SMYD3: variants seen among roughly 807,000 people sequenced by gnomAD.
SMYD3 encodes the protein histone-lysine N-methyltransferase SMYD3.
In SMYD3, 36 loss-of-function variants were observed where a neutral mutation model predicts 57.7. That is an observed-to-expected ratio of 0.62 (90% confidence interval 0.48 to 0.82). The LOEUF is 0.82. SMYD3 is among the 40% of genes least tolerant of loss of function. The probability of loss-of-function intolerance (pLI) is 0.00; values close to 1 mark genes in which losing one functional copy is unlikely to be tolerated. For missense variants in SMYD3, 515 were observed against 538.8 expected (o/e 0.96, Z 0.44); for synonymous variants, 211 against 195.0 (o/e 1.08, Z -0.68).
intron 1 of SMYD3, among the ~76,000 whole-genome samples, chr1:246,454,468 A>C (rs1029979949): frequency 6.6e-6 from 1 of 152,262 alleles, no homozygotes; most frequent in Admixed American, 6.5e-5. Flanking sequence ...CTGAGTTCCC[A>C]TATATATTAC....
intron 8 of SMYD3, among the ~76,000 whole-genome samples, chr1:245,912,357 G>A (rs78683915): frequency 0.075 from 11,434 of 152,048 alleles, 935 homozygotes; most frequent in African/African-American, 0.19. Flanking sequence ...AAAAGAAACT[G>A]AAGAGAACAC....
chr1:246,410,135 C>G (rs2066939843), intron 1 of SMYD3, among the ~76,000 whole-genome samples: 1 of 152,154 alleles, frequency 6.6e-6, no homozygotes. Context: ...ATTTGACTTC[C>G]TCTTTTCCTA....
intron 5 of SMYD3, among the ~76,000 whole-genome samples, chr1:246,009,976 A>G (rs1239676871): frequency 7.5e-6 from 1 of 133,502 alleles, no homozygotes; most frequent in Non-Finnish European, 1.6e-5. Flanking sequence ...TACCATGCCC[A>G]GCTAATAGGG....
chr1:246,425,871 T>A (rs992641353), intron 1 of SMYD3: 1 of 152,242 alleles, frequency 6.6e-6, no homozygotes, highest in Admixed American at 6.5e-5. Flanking sequence ...AGTTCTACTT[T>A]CGGGCCTTTC....
intron 5 of SMYD3, among the ~76,000 whole-genome samples, chr1:246,291,562 G>T (rs2064691738): frequency 6.6e-6 from 1 of 152,230 alleles, no homozygotes; most frequent in South Asian, 2.1e-4. Context: ...AGGAAAGGAA[G>T]TGATTTGCCG....
chr1:246,084,459 T>C (rs1327367882), intron 5 of SMYD3, among the ~76,000 whole-genome samples: 2 of 152,098 alleles, frequency 1.3e-5, no homozygotes, highest in Non-Finnish European at 2.9e-5. Context: ...CAAGTGATCC[T>C]CTTGTCTCAG....
At chr1:245,750,438 C>T (rs2045289895) in intron 11 of SMYD3, among the ~76,000 whole-genome samples, 1 of 152,210 alleles carries the variant, frequency 6.6e-6, no homozygotes, top group Admixed American at 6.5e-5. Flanking sequence ...CTAGACAAGG[C>T]ACCAGACATG....
rs2059454308 is a variant in SMYD3 at position 246,020,588 on chromosome 1, A to G, written c.532-90651T>C. On this transcript the variant is annotated intron_variant, in intron 5 of 11. Transcript: ENST00000490107. ...AAAATAATAATTATGATGAAATCATAACAATAATAACAGTAGCTAACACTT... is the reference window on the plus strand; with the variant it reads ...AAAATAATAATTATGATGAAATCATGACAATAATAACAGTAGCTAACACTT... Among the ~76,000 whole-genome samples, 3 of 152,226 alleles carry G rather than the reference A, an allele frequency of 2.0e-5. No homozygotes were observed. In the South Asian group the frequency reaches 6.2e-4, roughly 32 times the overall value.
At chr1:246,415,812 C>A (rs971509077) in intron 1 of SMYD3, among the ~76,000 whole-genome samples, 1 of 152,164 alleles carries the variant, frequency 6.6e-6, no homozygotes, top group East Asian at 1.9e-4. Flanking sequence ...ACATTGAGCA[C>A]CACTAGTCTA....
chr1:246,331,766 G>A (rs550452505), intron 3 of SMYD3, among the ~76,000 whole-genome samples: 12 of 152,224 alleles, frequency 7.9e-5, no homozygotes, highest in African/African-American at 2.9e-4. Flanking sequence ...CTAACAACAC[G>A]TGTTCACTTT....
chr1:246,433,871 T>G (rs1376447398), intron 1 of SMYD3, among the ~76,000 whole-genome samples: 2 of 152,084 alleles, frequency 1.3e-5, no homozygotes, highest in Non-Finnish European at 2.9e-5. Flanking sequence ...AACTTCAAAG[T>G]ATACTATAAG....
chr1:246,465,591 T>C (rs907455550), intron 1 of SMYD3, among the ~76,000 whole-genome samples: 13 of 152,178 alleles, frequency 8.5e-5, no homozygotes, highest in Admixed American at 7.9e-4. Context: ...CCCAACACTT[T>C]GGGAGGCTGA....
chr1:246,135,156 C>G (rs1440801055), intron 5 of SMYD3, among the ~76,000 whole-genome samples: 4 of 152,056 alleles, frequency 2.6e-5, no homozygotes, highest in Non-Finnish European at 5.9e-5. Context: ...TGAAGAGCTA[C>G]AGTGATTCAG....
intron 10 of SMYD3, among the ~76,000 whole-genome samples, chr1:245,848,775 G>A (rs1425961200): frequency 6.6e-6 from 1 of 152,146 alleles, no homozygotes; most frequent in East Asian, 1.9e-4. Context: ...AAGGTAGACG[G>A]GGAATAAGTG....
intron 5 of SMYD3, among the ~76,000 whole-genome samples, chr1:246,099,209 C>T (rs2060967484): frequency 6.6e-6 from 1 of 152,104 alleles, no homozygotes; most frequent in Non-Finnish European, 1.5e-5. Context: ...TATTTTGAAA[C>T]AAACATTTAC....
intron 5 of SMYD3, among the ~76,000 whole-genome samples, chr1:246,084,801 T>C (rs1192410554): frequency 6.6e-6 from 1 of 152,228 alleles, no homozygotes; most frequent in Non-Finnish European, 1.5e-5. Context: ...TGTAAATTGA[T>C]TGCATTATTC....
chr1:246,194,948 G>A (rs11576826), intron 5 of SMYD3, among the ~76,000 whole-genome samples: 7,711 of 152,184 alleles, frequency 0.051, 281 homozygotes, highest in African/African-American at 0.092. Flanking sequence ...ATCCATATAC[G>A]TGTGTTCTCT....
intron 1 of SMYD3, among the ~76,000 whole-genome samples, chr1:246,500,509 C>T (rs2068440785): frequency 6.6e-6 from 1 of 152,164 alleles, no homozygotes; most frequent in East Asian, 1.9e-4. Context: ...CAACTGACTC[C>T]TCCATGACAA....
intron 1 of SMYD3, among the ~76,000 whole-genome samples, chr1:246,469,499 G>A (rs1165954846): frequency 3.9e-5 from 6 of 152,118 alleles, no homozygotes; most frequent in Non-Finnish European, 7.4e-5. Context: ...AAATTATGGA[G>A]GTAGATCAAA....
Sources: gnomAD v4.1 joint callset for allele counts (sites outside exome capture counted in the v4.1 genomes callset) on GRCh38, gnomAD v4.1.1 for gene constraint, MANE v1.5 for transcripts, NCBI Gene and HGNC (gene_info 2026-07-23, HGNC 2026-07-21) for gene names.